Variants in TTLL11 observed in about 807,000 individuals in gnomAD.
The protein encoded by TTLL11 is tubulin tyrosine ligase like 11.
Under a neutral mutation model 51.7 loss-of-function variants are expected in TTLL11, and 42 were observed. The ratio of observed to expected loss-of-function variants is 0.81; its 90% CI spans 0.64 to 1.05. The LOEUF (loss-of-function observed/expected upper bound fraction) is 1.05, where lower values mean the gene tolerates loss of function less well. Among genes scored for constraint, TTLL11 ranks in the 50% least tolerant of loss-of-function variants. TTLL11 has a pLI of 0.00. For synonymous variants in TTLL11, 381 were observed against 383.5 expected, an observed-to-expected ratio of 0.99 and a Z score of 0.08; for missense variants, 799 against 940.4, an observed-to-expected ratio of 0.85 and a Z score of 1.97.
At chr9:121,875,026 T>C (rs1838518526) in intron 6 of TTLL11, among the ~76,000 whole-genome samples, 1 of 152,138 alleles carries the variant, frequency 6.6e-6, no homozygotes, top group Non-Finnish European at 1.5e-5. Context: ...GATCACTCTG[T>C]CCAACGATGT....
At chr9:121,997,496 G>A (rs778210204) in intron 3 of TTLL11, among the ~76,000 whole-genome samples, 1 of 152,074 alleles carries the variant, frequency 6.6e-6, no homozygotes, top group Non-Finnish European at 1.5e-5. Flanking sequence ...ACAGGCGCAC[G>A]TGGGGGCCCT....
In TTLL11 at chr9:122,011,239, G is replaced by A. The variant is rs147722176; in HGVS notation, c.693+20484C>T. On this transcript the variant is annotated intron_variant, in intron 3 of 8. Coordinates refer to ENST00000321582, the MANE Select transcript of TTLL11 (RefSeq NM_001139442.2). Reference sequence around the variant, plus strand: ...GGCCTCCCCAGACACATGGAACTATGAGTCCATTAAACCTCTTTTTCTTAA... The same window carrying A: ...GGCCTCCCCAGACACATGGAACTATAAGTCCATTAAACCTCTTTTTCTTAA... Among the ~76,000 whole-genome samples, 972 of 152,242 alleles carry A rather than the reference G, an allele frequency of 6.4e-3. 10 individuals are homozygous for A. Among genetic ancestry groups the A allele is most frequent in the African/African-American group, 0.023 (944 of 41,546 alleles).
chr9:122,067,770 C>G (rs370761108), intron 1 of TTLL11, among the ~76,000 whole-genome samples: 122 of 152,248 alleles, frequency 8.0e-4, no homozygotes, highest in African/African-American at 2.8e-3. Flanking sequence ...CCCAAAGTGC[C>G]GGGATTGCAG....
At position 121,936,553 on chromosome 9, in the gene TTLL11, T is replaced by C. The variant is rs73555635; in HGVS notation, c.1481+37456A>G. 3.1e-3 allele frequency among the ~76,000 whole-genome samples: 469 copies of C among 152,310 alleles called. 1 individual carries two copies. Among genetic ancestry groups the C allele is most frequent in the Middle Eastern group, 0.024 (7 of 294 alleles). On this transcript the variant is annotated intron_variant, in intron 6 of 8. Coordinates refer to ENST00000321582, the MANE Select transcript of TTLL11 (RefSeq NM_001139442.2). ...CCCCCCACCAGCTCCAGTGTGTGCC[T>C]GTAAGTAGGGTTCCTACTGGCACTG...
intron 1 of TTLL11, among the ~76,000 whole-genome samples, chr9:122,070,325 G>A (rs182999450): frequency 6.6e-6 from 1 of 152,216 alleles, no homozygotes; most frequent in East Asian, 1.9e-4. Flanking sequence ...CAACTACCTC[G>A]GGCTGTTAGG....
chr9:121,883,663 A>C (rs576943601), intron 6 of TTLL11, among the ~76,000 whole-genome samples: 5 of 152,354 alleles, frequency 3.3e-5, no homozygotes, highest in African/African-American at 1.2e-4. Context: ...AATCCATTAA[A>C]GTATTTAATT....
chr9:121,866,401 T>C (rs2131389971), intron 7 of TTLL11, among the ~76,000 whole-genome samples: 1 of 152,294 alleles, frequency 6.6e-6, no homozygotes, highest in Middle Eastern at 3.4e-3. Flanking sequence ...GGTTCATGCC[T>C]GTAATCCCAG....
chr9:121,826,184 C>CTATATATATATATATA (rs1166211047), intron 8 of TTLL11, among the ~76,000 whole-genome samples: 1 of 51,132 alleles, frequency 2.0e-5, no homozygotes. Flanking sequence ...AACCAGTAAC[C>CTATATATATATATATA]TATATATATA....
chr9:121,891,333 A>T (rs563420862), intron 6 of TTLL11, among the ~76,000 whole-genome samples: 1 of 152,326 alleles, frequency 6.6e-6, no homozygotes, highest in African/African-American at 2.4e-5. Flanking sequence ...TTGCCCGAGG[A>T]TCAGAGATCA....
At chr9:121,879,753 AG>A (rs1364582369) in intron 6 of TTLL11, among the ~76,000 whole-genome samples, 1 of 72,886 alleles carries the variant, frequency 1.4e-5, no homozygotes, top group Non-Finnish European at 2.8e-5. Context: ...AACTGCTTGA[AG>A]CCCTGAATCT....
chr9:122,005,365 G>T (rs572200237), intron 3 of TTLL11, among the ~76,000 whole-genome samples: 7 of 152,202 alleles, frequency 4.6e-5, no homozygotes. Flanking sequence ...TTCCCTCTCT[G>T]GGTCTCAGTT....
At chr9:122,069,769 GT>G (rs1845682061) in intron 1 of TTLL11, among the ~76,000 whole-genome samples, 1 of 152,148 alleles carries the variant, frequency 6.6e-6, no homozygotes, top group South Asian at 2.1e-4. Context: ...GTGAGGGTAG[GT>G]GAAGACCCCT....
intron 8 of TTLL11, among the ~76,000 whole-genome samples, chr9:121,846,976 C>T (rs370517534): frequency 3.3e-5 from 5 of 151,992 alleles, no homozygotes; most frequent in African/African-American, 7.2e-5. Flanking sequence ...TTTGGGAGGC[C>T]GAGGCGGGCG....
intron 6 of TTLL11, among the ~76,000 whole-genome samples, chr9:121,956,161 C>T (rs189221873): frequency 4.6e-5 from 7 of 152,294 alleles, no homozygotes; most frequent in Non-Finnish European, 7.4e-5. Context: ...CATTTTCCCA[C>T]CACTTATTCT....
At chr9:121,984,555 C>T (rs938235589) in intron 4 of TTLL11, among the ~76,000 whole-genome samples, 2 of 152,058 alleles carry the variant, frequency 1.3e-5, no homozygotes, top group Non-Finnish European at 2.9e-5. Context: ...AAACCCAGGC[C>T]GTCTAAGAAC....
chr9:122,088,885 A>G (rs765441117), intron 1 of TTLL11, among the ~76,000 whole-genome samples: 2 of 152,012 alleles, frequency 1.3e-5, no homozygotes, highest in Non-Finnish European at 2.9e-5. Flanking sequence ...ACATGCCTGT[A>G]ATCTCAGCTA....
At chr9:121,952,333 C>T (rs909505521) in intron 6 of TTLL11, among the ~76,000 whole-genome samples, 4 of 151,774 alleles carry the variant, frequency 2.6e-5, no homozygotes, top group South Asian at 2.1e-4. Context: ...GTAGTCCCAG[C>T]TACTTGGGAG....
At chr9:122,012,943 C>A (rs1180750265) in intron 3 of TTLL11, among the ~76,000 whole-genome samples, 1 of 152,164 alleles carries the variant, frequency 6.6e-6, no homozygotes, top group African/African-American at 2.4e-5. Flanking sequence ...TCTTAATATT[C>A]ATTCATTTCA....
intron 3 of TTLL11, among the ~76,000 whole-genome samples, chr9:122,012,019 C>G (rs1482489333): frequency 6.6e-6 from 1 of 152,158 alleles, no homozygotes; most frequent in East Asian, 1.9e-4. Flanking sequence ...ATTACATCAC[C>G]TTTCTAAATT....
Sources: allele counts gnomAD v4.1 joint callset (sites outside exome capture counted in the v4.1 genomes callset), GRCh38; gene constraint gnomAD v4.1.1; transcripts MANE v1.5; gene names NCBI Gene and HGNC (gene_info 2026-07-23, HGNC 2026-07-21).